Variants in ABCC1 observed in about 807,000 individuals in gnomAD.
ABCC1 encodes the protein ATP binding cassette subfamily C member 1 (ABCC1 blood group).
In ABCC1, 83 loss-of-function variants were observed where a neutral mutation model predicts 172.9. That is an observed-to-expected ratio of 0.48 (90% CI 0.40 to 0.58). The LOEUF is 0.58. Among genes scored for constraint, ABCC1 ranks in the 20% least tolerant of loss-of-function variants. The probability of loss-of-function intolerance (pLI) is 0.00; values close to 1 mark genes in which losing one functional copy is unlikely to be tolerated. For synonymous variants in ABCC1, 937 were observed against 825.2 expected (o/e 1.14, Z -2.32); for missense variants, 1,817 against 2,002.7 (o/e 0.91, Z 1.77).
chr16:16,109,178 G>GT (rs566851208), intron 21 of ABCC1, among the ~76,000 whole-genome samples: 88 of 150,484 alleles, frequency 5.8e-4, no homozygotes, highest in South Asian at 1.5e-3. Context: ...GATGATTTTT[G>GT]TTTTTTTTTC....
chr16:16,016,677 C>T (rs1213912373), intron 5 of ABCC1, 56 bp downstream of exon 5: 1 of 1,603,682 alleles, frequency 6.2e-7, no homozygotes, highest in Non-Finnish European at 8.5e-7. Flanking sequence ...AGATGCGTGA[C>T]ACAGTACCAG....
At position 16,141,455 on chromosome 16, in the gene ABCC1, T is replaced by C; in HGVS notation, c.*174T>C. ...AGCCACCGCCATCCGGTCCCCTGCC[T>C]GGAACTGGCTGTGAAGACCCAGGAG... is the stretch of plus-strand genomic sequence containing the variant. On this transcript the variant is annotated 3_prime_UTR_variant, in exon 31 of 31. Transcript: ENST00000399410. 1.6e-6 allele frequency: 1 copy of C among 613,514 alleles called. No homozygotes were observed. Among genetic ancestry groups the C allele is most frequent in the Non-Finnish European group, 2.9e-6 (1 of 350,288 alleles). The allele number at this position is 613,514 out of a possible 1,614,324, so 38.0% of individuals were successfully genotyped here.
chr16:16,131,690 C>G, intron 26 of ABCC1, 99 bp from the exon 27 acceptor site: 1 of 1,443,292 alleles, frequency 6.9e-7, no homozygotes, highest in Non-Finnish European at 9.4e-7. Context: ...TGGGAGGCCA[C>G]CTTGGGCAGC....
intron 22 of ABCC1, among the ~76,000 whole-genome samples, chr16:16,112,409 G>A (rs1281463918): frequency 6.6e-6 from 1 of 151,724 alleles, no homozygotes; most frequent in Admixed American, 6.6e-5. Flanking sequence ...ACTGTTCTGT[G>A]TGGTCCTATG....
At chr16:16,062,732 G>A (rs1169620890) in intron 12 of ABCC1, among the ~76,000 whole-genome samples, 1 of 152,094 alleles carries the variant, frequency 6.6e-6, no homozygotes, top group African/African-American at 2.4e-5. Flanking sequence ...TTCCACTGGT[G>A]TGCATTCCTG....
At chr16:15,949,595 C>T (rs1168967187), upstream of ABCC1, 2 of 111,398 alleles carry the variant, frequency 1.8e-5, no homozygotes, top group African/African-American at 6.7e-5. Flanking sequence ...CGTTGCGGCC[C>T]CGGCCCCGGC....
intron 13 of ABCC1, among the ~76,000 whole-genome samples, chr16:16,069,290 G>A (rs1369079002): frequency 6.6e-6 from 1 of 152,030 alleles, no homozygotes; most frequent in Admixed American, 6.6e-5. Flanking sequence ...GGGAGGATCA[G>A]CTGAGCTTGG....
At chr16:16,110,949 G>T (rs1033201700) in intron 21 of ABCC1, among the ~76,000 whole-genome samples, 3 of 152,182 alleles carry the variant, frequency 2.0e-5, no homozygotes, top group Non-Finnish European at 4.4e-5. Context: ...CGCCCAGGCT[G>T]GAGTGCAGTG....
intron 27 of ABCC1, among the ~76,000 whole-genome samples, chr16:16,132,935 T>C (rs982748854): frequency 6.6e-6 from 1 of 152,114 alleles, no homozygotes; most frequent in Non-Finnish European, 1.5e-5. Flanking sequence ...AGGTCAATCC[T>C]CCCCCGCCTG....
chr16:16,104,206 G>C (rs1011096379), intron 20 of ABCC1, among the ~76,000 whole-genome samples: 2 of 152,198 alleles, frequency 1.3e-5, no homozygotes, highest in Admixed American at 6.5e-5. Context: ...AGCTTCCACA[G>C]TTTGGAAGGG....
At chr16:16,096,809 G>A (rs1374532492) in intron 19 of ABCC1, among the ~76,000 whole-genome samples, 1 of 152,090 alleles carries the variant, frequency 6.6e-6, no homozygotes, top group Non-Finnish European at 1.5e-5. Context: ...AACGTACGTG[G>A]GTCAAGGGTA....
chr16:16,037,634 G>A (rs529892448), intron 7 of ABCC1, among the ~76,000 whole-genome samples: 1 of 152,312 alleles, frequency 6.6e-6, no homozygotes, highest in East Asian at 1.9e-4. Context: ...TGCCTGTTCT[G>A]GGGTAAGTTT....
chr16:15,975,264 C>T (rs907941334), intron 1 of ABCC1, among the ~76,000 whole-genome samples: 3 of 152,178 alleles, frequency 2.0e-5, no homozygotes, highest in Non-Finnish European at 2.9e-5. Context: ...TTGCACAGTT[C>T]GTTTTGTGAC....
intron 17 of ABCC1, among the ~76,000 whole-genome samples, chr16:16,084,413 G>C (rs1362038880): frequency 2.0e-5 from 3 of 148,404 alleles, no homozygotes; most frequent in African/African-American, 7.5e-5. Context: ...GCCCAGGCTA[G>C]AGTGTAGTGG....
rs1231250696 is a variant in ABCC1 at position 16,060,633 on chromosome 16, T to C, written c.1677+4338T>C. ...CATCTCCCAGTTCAAGCAATTCTCCTGCCTCAGTCCCCCGACTAGCTGGGA... is the reference window on the plus strand; with the variant it reads ...CATCTCCCAGTTCAAGCAATTCTCCCGCCTCAGTCCCCCGACTAGCTGGGA... On this transcript the variant is annotated intron_variant, in intron 12 of 30. Transcript: ENST00000399410. Among the ~76,000 whole-genome samples, 6 of 152,068 alleles carry C rather than the reference T, an allele frequency of 3.9e-5. No homozygotes were observed. The South Asian group carries it at 1.2e-3, about 32-fold the overall frequency.
intron 23 of ABCC1, among the ~76,000 whole-genome samples, chr16:16,120,021 T>C (rs2045081419): frequency 6.6e-6 from 1 of 152,130 alleles, no homozygotes; most frequent in African/African-American, 2.4e-5. Context: ...GGTTGTGCGG[T>C]ACCTGGGTTC....
chr16:15,992,058 T>G (rs897648422), intron 1 of ABCC1, among the ~76,000 whole-genome samples: 1 of 152,064 alleles, frequency 6.6e-6, no homozygotes, highest in Non-Finnish European at 1.5e-5. Flanking sequence ...CTGCCTCCTG[T>G]CAGATCACCT....
intron 1 of ABCC1, among the ~76,000 whole-genome samples, chr16:15,998,862 T>C (rs2047147202): frequency 6.6e-6 from 1 of 152,150 alleles, no homozygotes; most frequent in Non-Finnish European, 1.5e-5. Flanking sequence ...CAGTGGTGAT[T>C]ATTATCAACT....
At chr16:15,984,578 G>C (rs1316192438) in intron 1 of ABCC1, among the ~76,000 whole-genome samples, 1 of 151,796 alleles carries the variant, frequency 6.6e-6, no homozygotes, top group Non-Finnish European at 1.5e-5. Context: ...GAGTAGCTGA[G>C]ATTACAGGTG....
Sources: allele counts gnomAD v4.1 joint callset (sites outside exome capture counted in the v4.1 genomes callset), GRCh38; gene constraint gnomAD v4.1.1; transcripts MANE v1.5; gene names NCBI Gene and HGNC (gene_info 2026-07-23, HGNC 2026-07-21).